The following KIF1C variants were observed in gnomAD, a reference collection of about 807,000 sequenced individuals.
The protein encoded by KIF1C is kinesin family member 1C.
Under a neutral mutation model 126.5 loss-of-function variants are expected in KIF1C, and 61 were observed. That is an observed-to-expected ratio of 0.48 (90% CI 0.39 to 0.60). KIF1C has a LOEUF of 0.60. Among genes scored for constraint, KIF1C ranks in the 20% least tolerant of loss-of-function variants. The pLI, the probability that KIF1C is intolerant of heterozygous loss-of-function variation, is 0.00. For synonymous variants in KIF1C, 640 were observed against 580.6 expected (o/e 1.10, Z -1.47); for missense variants, 1,315 against 1,489.2 (o/e 0.88, Z 1.93).
At chr17:5,006,009 C>G (rs1045697712) in intron 13 of KIF1C, among the ~76,000 whole-genome samples, 1 of 151,712 alleles carries the variant, frequency 6.6e-6, no homozygotes, top group East Asian at 2.0e-4. Flanking sequence ...GAGTTCGAGA[C>G]CAGCCTGACC....
At chr17:5,015,242 T>A (rs931659535) in intron 18 of KIF1C, among the ~76,000 whole-genome samples, 1 of 152,204 alleles carries the variant, frequency 6.6e-6, no homozygotes, top group Non-Finnish European at 1.5e-5. Flanking sequence ...CCTGCCTCTA[T>A]CCAGCTATGA....
Position 5,022,438 on chromosome 17 carries a change from A to G in KIF1C, c.2357A>G (p.Tyr786Cys), listed in dbSNP as rs1441229659. Residue 786 changes from tyrosine to cysteine, a missense_variant, in exon 22 of 23, where the codon TAT (tyrosine) becomes TGT (cysteine). Tyr to Cys is a radical substitution (Grantham distance 194, BLOSUM62 -2). Around this residue, in one of 2 missense-constraint regions of KIF1C, gnomAD observed 874 missense variants for 1,053.2 expected, o/e 0.83. Transcript: ENST00000320785. This position sits in a 1 kb window ranked among gnomAD's most constrained non-coding sequence, Gnocchi z 4.9. ...AAGATGCGGGAGCTGTGTCGCACCT[A>G]TGGCAAGCCAGACGGCCCCGGAGAC... is the stretch of plus-strand genomic sequence containing the variant. ...ALKMRELCRT[Y>C]GKPDGPGDAW... 1 of 1,582,508 alleles carries G rather than the reference A, an allele frequency of 6.3e-7. No individual in the cohort carries two copies. The highest frequency in any genetic ancestry group is 1.8e-5 in the Admixed American group (1 of 55,228).
In KIF1C at chr17:5,022,273, G is replaced by A. The variant is rs763310157; in HGVS notation, c.2192G>A (p.Arg731Gln). 3.7e-6 allele frequency: 6 copies of A among 1,613,908 alleles called. No individual in the cohort carries two copies. The highest frequency in any genetic ancestry group is 3.3e-5 in the Admixed American group (2 of 59,986). Residue 731 changes from arginine to glutamine, a missense_variant, in exon 22 of 23, where the codon CGA becomes CAA. Arg to Gln is a conservative substitution (Grantham distance 43, BLOSUM62 1). Around this residue, in one of 2 missense-constraint regions of KIF1C, gnomAD observed 874 missense variants for 1,053.2 expected, o/e 0.83. Transcript: ENST00000320785. The surrounding 1 kb of genome is among the most constrained non-coding windows in gnomAD (Gnocchi z 4.9). ...CGCAGGGTTTATCAGATCCCCCAGC[G>A]ACGCAGGCTGCAGGGCAAAGACCCC... ...APRRVYQIPQRRRLQGKDPRW... is the reference protein window; with the variant it reads ...APRRVYQIPQQRRLQGKDPRW...
Position 5,023,768 on chromosome 17 carries a change from C to T in KIF1C, c.2929C>T (p.Leu977=). ...ARFVPPHDCK[L]RFPFKSNPQH... is the part of the protein sequence containing the mutation. The stretch of plus-strand genomic sequence containing the variant: ...CTTTGTGCCCCCTCACGACTGCAAG[C>T]TACGCTTCCCCTTCAAGAGCAACCC... The change falls in exon 23 of 23, where the codon CTA becomes TTA. Residue 977 remains leucine (L), a synonymous_variant. Transcript: ENST00000320785. The surrounding 1 kb of genome is among the most constrained non-coding windows in gnomAD (Gnocchi z 4.2). The T allele has an allele frequency of 6.6e-7, 1 of 1,522,404 alleles. No individual in the cohort carries two copies. The highest frequency in any genetic ancestry group is 8.8e-7 in the Non-Finnish European group (1 of 1,138,288). The allele number at this position is 1,522,404 out of a possible 1,614,324, so 94.3% of individuals were successfully genotyped here. A position where few individuals can be genotyped will look rare whatever the true frequency, so the allele number is the denominator to read the frequency against.
intron 18 of KIF1C, among the ~76,000 whole-genome samples, chr17:5,018,653 A>G (rs118089952): frequency 0.015 from 2,210 of 150,936 alleles, 27 homozygotes; most frequent in Non-Finnish European, 0.023. Context: ...GCACCATTGC[A>G]CTCCAGCCTC....
chr17:5,024,212 G>C lies in KIF1C; in HGVS notation c.*61G>C. On this transcript the variant is annotated 3_prime_UTR_variant, in exon 23 of 23. Transcript: ENST00000320785. Reference sequence around the variant, plus strand: ...CTTGCTAGGAGAAGGGAAGACGCCCGAGACGCTGCTTCCCCAGAAGTGCTG... The same window carrying C: ...CTTGCTAGGAGAAGGGAAGACGCCCCAGACGCTGCTTCCCCAGAAGTGCTG... 1.6e-6 allele frequency: 2 copies of C among 1,218,104 alleles called. No homozygotes were observed. The highest frequency in any genetic ancestry group is 2.3e-6 in the Non-Finnish European group (2 of 856,806). The allele number at this position is 1,218,104 out of a possible 1,614,324, so 75.5% of individuals were successfully genotyped here.
chr17:5,019,460 T>A (rs765526536), intron 18 of KIF1C: 3 of 169,904 alleles, frequency 1.8e-5, no homozygotes, highest in Admixed American at 6.3e-5. Flanking sequence ...CTCAGTGATT[T>A]GTACTGAGGA....
chr17:5,004,564 CAG>C lies in KIF1C; in HGVS notation c.941-2_941-1del. 1 of 1,614,024 alleles carries C rather than the reference CAG, an allele frequency of 6.2e-7. No individual in the cohort carries two copies. Among genetic ancestry groups the C allele is most frequent in the South Asian group, 1.1e-5 (1 of 91,088 alleles). ...GAAGCTTTTCCATGCACTCCATTCA[CAG>C]GGGGGAACTCACGCACAGCCATGAT... On this transcript the variant is annotated splice_acceptor_variant, in intron 11 of 22. Coordinates refer to ENST00000320785, the MANE Select transcript of KIF1C (RefSeq NM_006612.6). LOFTEE classifies it high-confidence loss of function.
rs756143565 is a variant in KIF1C at position 5,022,167 on chromosome 17, C to A, written c.2086C>A (p.Arg696=). Residue 696 remains arginine, a synonymous_variant, in exon 22 of 23, where the codon CGG becomes AGG. Coordinates refer to ENST00000320785, the MANE Select transcript of KIF1C (RefSeq NM_006612.6). This position sits in a 1 kb window ranked among gnomAD's most constrained non-coding sequence, Gnocchi z 4.9. The part of the protein sequence containing the change: ...EESWRLISSL[R]EQLPPTTVQT... ...GAGCTGGAGGCTCATCTCCTCCTTGCGGGAGCAGCTGCCGCCCACCACGGT... is the reference window on the plus strand; with the variant it reads ...GAGCTGGAGGCTCATCTCCTCCTTGAGGGAGCAGCTGCCGCCCACCACGGT... The A allele has an allele frequency of 3.7e-6, 6 of 1,613,824 alleles. No homozygotes were observed. The highest frequency in any genetic ancestry group is 5.1e-6 in the Non-Finnish European group (6 of 1,179,936).
At chr17:5,013,190 C>A (rs964229643) in intron 16 of KIF1C, among the ~76,000 whole-genome samples, 1 of 152,190 alleles carries the variant, frequency 6.6e-6, no homozygotes, top group Admixed American at 6.5e-5. Flanking sequence ...TCTGCTCACT[C>A]AGTCTCCCCC....
intron 8 of KIF1C, 87 bp downstream of exon 8, chr17:5,002,929 C>G: frequency 5.5e-6 from 6 of 1,089,650 alleles, no homozygotes; most frequent in Non-Finnish European, 8.2e-6. Context: ...GTCTTGGGCC[C>G]TCCCTGCCCA....
intron 16 of KIF1C, among the ~76,000 whole-genome samples, chr17:5,008,380 G>A (rs1974782571): frequency 6.6e-6 from 1 of 152,178 alleles, no homozygotes; most frequent in African/African-American, 2.4e-5. Context: ...CCAGTGAAGG[G>A]ATGGTGCAGA....
intron 16 of KIF1C, chr17:5,012,210 G>C (rs950906390): frequency 1.3e-5 from 2 of 152,346 alleles, no homozygotes; most frequent in South Asian, 4.1e-4. Flanking sequence ...CCCGCCTAGC[G>C]CTTCACCAGG....
Position 5,026,069 on chromosome 17 carries a change from T to C in KIF1C, c.*1918T>C, listed in dbSNP as rs1377741617. The C allele has an allele frequency of 6.6e-6, 1 of 152,138 alleles. No homozygotes were observed. Among genetic ancestry groups the C allele is most frequent in the African/African-American group, 2.4e-5 (1 of 41,396 alleles). 9.4% of individuals were successfully genotyped at this position (152,138 alleles called of 1,614,324 possible). On this transcript the variant is annotated 3_prime_UTR_variant, in exon 23 of 23. Coordinates refer to ENST00000320785, the MANE Select transcript of KIF1C (RefSeq NM_006612.6). The stretch of plus-strand genomic sequence containing the variant: ...CAGTCTCCAGCCAAAACCATAGATA[T>C]CCCAACTGCAGCCAAACCACGGCTC...
rs534107875 is a variant in KIF1C, at chr17:5,022,301, C to G, written c.2220C>G (p.Arg740=). The G allele has an allele frequency of 1.1e-5, 18 of 1,611,872 alleles. No individual in the cohort carries two copies. The East Asian group carries it at 1.6e-4, about 14-fold the overall frequency. Residue 740 remains arginine (R), a synonymous_variant, in exon 22 of 23, where the codon CGC becomes CGG. Coordinates refer to ENST00000320785, the MANE Select transcript of KIF1C (RefSeq NM_006612.6). The surrounding 1 kb of genome is among the most constrained non-coding windows in gnomAD (Gnocchi z 4.9). The part of the protein sequence containing the change: ...QRRRLQGKDP[R]WATMADLKMQ... ...GCAGGCTGCAGGGCAAAGACCCCCG[C>G]TGGGCCACCATGGCTGACCTGAAGA...
rs773227449 is a variant in KIF1C, at chr17:5,000,262, G to A, written c.16G>A (p.Val6Met). The A allele has an allele frequency of 1.3e-6, 2 of 1,575,900 alleles. No homozygotes were observed. The highest frequency in any genetic ancestry group is 1.7e-6 in the Non-Finnish European group (2 of 1,162,044). Residue 6 changes from valine to methionine, a missense_variant, in exon 3 of 23, where the codon GTG becomes ATG. This residue lies in a region of KIF1C where 874 missense variants were observed against 1,053.2 expected (regional missense o/e 0.83). Coordinates refer to ENST00000320785, the MANE Select transcript of KIF1C (RefSeq NM_006612.6). ...GTCTGGAGCTATGGCTGGTGCCTCG[G>A]TGAAAGTGGCAGTGAGGGTTCGGCC... MAGAS[V>M]KVAVRVRPFN...
In KIF1C at chr17:5,000,717, G is replaced by A; in HGVS notation, c.107-55G>A. Reference sequence around the variant, plus strand: ...CAGGGGCTGGTTGGGGTATGGGCAGGGACTGGGAATACCTGACCTTGACTT... The same window carrying A: ...CAGGGGCTGGTTGGGGTATGGGCAGAGACTGGGAATACCTGACCTTGACTT... On this transcript the variant is annotated intron_variant, in intron 3 of 22. Transcript: ENST00000320785. 10 of 1,525,252 alleles carry A rather than the reference G, an allele frequency of 6.6e-6. No individual in the cohort carries two copies. In the South Asian group the frequency reaches 1.0e-4, roughly 15 times the overall value. 94.5% of individuals were successfully genotyped at this position (1,525,252 alleles called of 1,614,324 possible).
intron 16 of KIF1C, among the ~76,000 whole-genome samples, chr17:5,010,260 T>C (rs1974832158): frequency 6.6e-6 from 1 of 152,218 alleles, no homozygotes; most frequent in Admixed American, 6.5e-5. Flanking sequence ...TTTATTTTTT[T>C]CACGGTGTCA....
At chr17:5,012,131 C>T (rs1476414796) in intron 16 of KIF1C, 1 of 152,226 alleles carries the variant, frequency 6.6e-6, no homozygotes. Flanking sequence ...CCAAGCCTCA[C>T]CTCCCCTAGC....
Sources: gnomAD v4.1 joint callset for allele counts (sites outside exome capture counted in the v4.1 genomes callset) on GRCh38, gnomAD v4.1.1 for gene constraint, gnomAD v4.1.1 regional missense constraint, Gnocchi (gnomAD v3.1) non-coding constraint, MANE v1.5 for transcripts, NCBI Gene and HGNC (gene_info 2026-07-23, HGNC 2026-07-21) for gene names.